RASA1: variants seen among roughly 807,000 people sequenced by gnomAD.
The protein encoded by RASA1 is RAS p21 protein activator 1, also known as ras GTPase-activating protein 1.
RASA1 carries 25 observed loss-of-function variants against 132.2 expected under a neutral mutation model. That is an observed-to-expected ratio of 0.19 (90% CI 0.14 to 0.26). The LOEUF (loss-of-function observed/expected upper bound fraction) is 0.26. Ranked by LOEUF, RASA1 falls within the 10% of genes least tolerant of loss-of-function variation. The pLI is 1.00. For synonymous variants in RASA1, 477 were observed against 449.9 expected, an observed-to-expected ratio of 1.06 and a Z score of -0.76; for missense variants, 964 against 1,299.2, an observed-to-expected ratio of 0.74 and a Z score of 3.97.
At chr5:87,320,892 A>C (rs1433936236) in intron 1 of RASA1, among the ~76,000 whole-genome samples, 2 of 152,276 alleles carry the variant, frequency 1.3e-5, no homozygotes. Flanking sequence ...GTAGAGTTAC[A>C]CATAGTCTGA....
At chr5:87,373,921 G>A (rs1006909613) in intron 13 of RASA1, among the ~76,000 whole-genome samples, 1 of 151,802 alleles carries the variant, frequency 6.6e-6, no homozygotes, top group African/African-American at 2.4e-5. Context: ...TATACTGGGA[G>A]AAATAACTTG....
chr5:87,390,488 A>T (rs1762424880), intron 24 of RASA1, among the ~76,000 whole-genome samples: 1 of 152,114 alleles, frequency 6.6e-6, no homozygotes, highest in South Asian at 2.1e-4. Flanking sequence ...TATTAAATAA[A>T]AAAAGCCTTT....
chr5:87,383,893 T>C, intron 21 of RASA1, 113 bp downstream of exon 21: 3 of 928,526 alleles, frequency 3.2e-6, no homozygotes, highest in Admixed American at 4.6e-5. Context: ...ATTCTAGTCA[T>C]GGCATATATG....
Position 87,333,291 on chromosome 5 carries a change from C to G in RASA1, c.853C>G (p.Arg285Gly). 2 of 1,612,314 alleles carry G rather than the reference C, an allele frequency of 1.2e-6. No homozygotes were observed. The highest frequency in any genetic ancestry group is 1.7e-6 in the Non-Finnish European group (2 of 1,179,240). Residue 285 changes from arginine to glycine, a missense_variant, in exon 4 of 25, where the codon CGA (arginine) becomes GGA (glycine). Arg to Gly is a moderately radical substitution (Grantham distance 125). Around this residue, in one of 6 missense-constraint regions of RASA1, gnomAD observed 154 missense variants for 286.5 expected, o/e 0.54. Transcript: ENST00000274376. ...PEPVEDRRRV[R>G]AILPYTKVPD... ...GCCAGTAGAAGATAGAAGGCGTGTA[C>G]GAGCTATTCTACCTTACACAAAAGT...
In RASA1 at chr5:87,288,032, T is replaced by C. The variant is rs62368940; in HGVS notation, c.539+19042T>C. Among the ~76,000 whole-genome samples, 79 of 9,076 alleles carry C rather than the reference T, an allele frequency of 8.7e-3. 2 individuals carry two copies. The highest frequency in any genetic ancestry group is 0.06 in the Admixed American group (44 of 736). The allele number at this position is 9,076 out of a possible 152,430, so 6.0% of individuals were successfully genotyped here. ...ATACCATATATACACACACCATATA[T>C]ATATACCATATATATACCATATATA... On this transcript the variant is annotated intron_variant, in intron 1 of 24. Coordinates refer to ENST00000274376, the MANE Select transcript of RASA1 (RefSeq NM_002890.3).
intron 24 of RASA1, among the ~76,000 whole-genome samples, chr5:87,389,764 A>AAAAC (rs1471573167): frequency 6.6e-6 from 1 of 152,226 alleles, no homozygotes; most frequent in African/African-American, 2.4e-5. Context: ...ATTCTACTGG[A>AAAAC]AAACAGTGTA....
chr5:87,298,378 A>T (rs1367149966), intron 1 of RASA1, among the ~76,000 whole-genome samples: 4 of 149,134 alleles, frequency 2.7e-5, no homozygotes, highest in Non-Finnish European at 5.9e-5. Flanking sequence ...ATGCCACTGC[A>T]CTCCAGCCTG....
At chr5:87,282,980 T>G (rs1754384215) in intron 1 of RASA1, among the ~76,000 whole-genome samples, 1 of 152,142 alleles carries the variant, frequency 6.6e-6, no homozygotes, top group Admixed American at 6.6e-5. Context: ...TTTTTGTGTG[T>G]GCTGAAAACA....
At chr5:87,346,172 T>C (rs1329260340) in intron 6 of RASA1, among the ~76,000 whole-genome samples, 1 of 152,076 alleles carries the variant, frequency 6.6e-6, no homozygotes, top group Non-Finnish European at 1.5e-5. Context: ...TTTCAGTTCT[T>C]GATGGTGCTA....
At chr5:87,309,896 A>T (rs1755792878) in intron 1 of RASA1, among the ~76,000 whole-genome samples, 1 of 152,158 alleles carries the variant, frequency 6.6e-6, no homozygotes, top group South Asian at 2.1e-4. Flanking sequence ...TTTGTTGAAT[A>T]TTTTTTGTGA....
intron 9 of RASA1, among the ~76,000 whole-genome samples, chr5:87,355,857 G>T (rs1034049691): frequency 3.9e-5 from 6 of 152,178 alleles, no homozygotes; most frequent in East Asian, 1.9e-4. Context: ...ACTTTGAGGG[G>T]CTCAAGACTA....
intron 1 of RASA1, among the ~76,000 whole-genome samples, chr5:87,282,270 C>T (rs547829390): frequency 3.2e-4 from 48 of 152,084 alleles, no homozygotes; most frequent in African/African-American, 1.1e-3. Flanking sequence ...ACAATTTATT[C>T]GTTTTCCTTT....
In RASA1 at chr5:87,268,912, A is replaced by G; in HGVS notation, c.461A>G (p.Asp154Gly). ...PPLGAGLGTV[D>G]EGDSLDGPEY... is the part of the protein sequence containing the mutation. ...TTGGGGGCGGGCCTCGGGACAGTGG[A>G]CGAAGGTGACTCTCTGGATGGACCA... Residue 154 changes from aspartate to glycine, a missense_variant, in exon 1 of 25, where the codon GAC (aspartate) becomes GGC (glycine). By Grantham distance (94) the Asp-to-Gly change is moderately conservative (BLOSUM62 -1). Around this residue, in one of 6 missense-constraint regions of RASA1, gnomAD observed 326 missense variants for 275.8 expected, o/e 1.18. Transcript: ENST00000274376. The G allele has an allele frequency of 1.2e-6, 2 of 1,614,160 alleles. No individual in the cohort carries two copies. The highest frequency in any genetic ancestry group is 1.7e-6 in the Non-Finnish European group (2 of 1,180,028).
In RASA1 at chr5:87,332,525, A is replaced by C. The variant is rs762566440; in HGVS notation, c.711A>C (p.Gly237=). 1.9e-6 allele frequency: 3 copies of C among 1,606,864 alleles called. No individual in the cohort carries two copies. The African/African-American group carries it at 4.0e-5, about 22-fold the overall frequency. Reference sequence around the variant, plus strand: ...CAAATAGGATTATTGCTATGTGTGGAGATTACTACATTGGTGGAAGACGTT... The same window carrying C: ...CAAATAGGATTATTGCTATGTGTGGCGATTACTACATTGGTGGAAGACGTT... ...VNHFRIIAMC[G]DYYIGGRRFS... Residue 237 remains glycine (G), a synonymous_variant, in exon 3 of 25, where the codon GGA becomes GGC. Coordinates refer to ENST00000274376, the MANE Select transcript of RASA1 (RefSeq NM_002890.3).
At chr5:87,281,666 C>T (rs1373454442) in intron 1 of RASA1, among the ~76,000 whole-genome samples, 2 of 152,018 alleles carry the variant, frequency 1.3e-5, no homozygotes, top group Non-Finnish European at 2.9e-5. Flanking sequence ...CTGCAACCTC[C>T]GCCTCCTGGG....
At chr5:87,390,702 C>A in intron 24 of RASA1, 98 bp from the exon 25 acceptor site, 1 of 933,384 alleles carries the variant, frequency 1.1e-6, no homozygotes, top group Non-Finnish European at 1.7e-6. Context: ...TTTTATGCAT[C>A]CTTTTGCTTT....
rs760349620 is a variant in RASA1 at position 87,268,718 on chromosome 5, A to C, written c.267A>C (p.Gly89=). Residue 89 remains glycine (G), a synonymous_variant, in exon 1 of 25, where the codon GGA becomes GGC. Coordinates refer to ENST00000274376, the MANE Select transcript of RASA1 (RefSeq NM_002890.3). Reference sequence around the variant, plus strand: ...TGGGGGGAGCTGGACTGACAGGGGGAGGTACTGCTGCTGGCGTAGCTGGTG... The same window carrying C: ...TGGGGGGAGCTGGACTGACAGGGGGCGGTACTGCTGCTGGCGTAGCTGGTG... ...GALGGAGLTG[G]GTAAGVAGAA... 6.2e-7 allele frequency: 1 copy of C among 1,610,928 alleles called. No homozygotes were observed. The highest frequency in any genetic ancestry group is 1.3e-5 in the African/African-American group (1 of 74,680).
chr5:87,379,613 TC>T (rs1295056308), intron 18 of RASA1, 121 bp from the exon 19 acceptor site: 1 of 1,333,028 alleles, frequency 7.5e-7, no homozygotes, highest in Non-Finnish European at 1.0e-6. Flanking sequence ...AGAAAAAAGA[TC>T]AATACACACA....
At chr5:87,269,195 C>G in intron 1 of RASA1, 2 of 1,596,528 alleles carry the variant, frequency 1.3e-6, no homozygotes, top group Non-Finnish European at 1.7e-6. Context: ...ATTTATTGCT[C>G]CTCTGGGAAA....
Sources: allele counts gnomAD v4.1 joint callset (sites outside exome capture counted in the v4.1 genomes callset), GRCh38; gene constraint gnomAD v4.1.1; regional missense constraint gnomAD v4.1.1; transcripts MANE v1.5; gene names NCBI Gene and HGNC (gene_info 2026-07-23, HGNC 2026-07-21).